SLC3A2: variants seen among roughly 807,000 people sequenced by gnomAD.
SLC3A2 encodes the protein solute carrier family 3 member 2, also known as amino acid transporter heavy chain SLC3A2.
SLC3A2 carries 32 observed loss-of-function variants against 48.5 expected under a neutral mutation model. The ratio of observed to expected loss-of-function variants is 0.66; its 90% CI spans 0.50 to 0.89. The LOEUF is 0.89. Among genes scored for constraint, SLC3A2 ranks in the 40% least tolerant of loss-of-function variants. The probability of loss-of-function intolerance (pLI) is 0.00; values close to 1 mark genes in which losing one functional copy is unlikely to be tolerated. For missense variants in SLC3A2, 587 were observed against 680.7 expected, an observed-to-expected ratio of 0.86 and a Z score of 1.53; for synonymous variants, 277 against 288.8, an observed-to-expected ratio of 0.96 and a Z score of 0.41.
upstream of SLC3A2, among the ~76,000 whole-genome samples, chr11:62,879,132 T>G (rs1393805806): frequency 6.6e-6 from 1 of 150,636 alleles, no homozygotes; most frequent in Non-Finnish European, 1.5e-5. Flanking sequence ...CAGTGGCCCA[T>G]TCTTGGCTCA....
At chr11:62,877,350 T>C (rs1042946727), upstream of SLC3A2, among the ~76,000 whole-genome samples, 28 of 152,220 alleles carry the variant, frequency 1.8e-4, no homozygotes, top group African/African-American at 6.8e-4. Flanking sequence ...TGATCCACCG[T>C]GCCTAGCCTG....
chr11:62,860,665 A>G (rs2085389836), intron 1 of SLC3A2, among the ~76,000 whole-genome samples: 1 of 151,974 alleles, frequency 6.6e-6, no homozygotes, highest in Non-Finnish European at 1.5e-5. Flanking sequence ...CAGACCCTTT[A>G]TGGGTGTCTG....
chr11:62,887,482 C>T (rs2085729479), intron 7 of SLC3A2, among the ~76,000 whole-genome samples: 1 of 152,082 alleles, frequency 6.6e-6, no homozygotes, highest in African/African-American at 2.4e-5. Context: ...GTGGGTGGAT[C>T]ACCTGAGGTC....
intron 3 of SLC3A2, chr11:62,883,242 G>A (rs991542394): frequency 8.4e-6 from 4 of 473,456 alleles, no homozygotes; most frequent in Non-Finnish European, 1.5e-5. Context: ...GTGCCAGGAA[G>A]GGACCTTCTC....
chr11:62,888,041 T>C, intron 7 of SLC3A2, 94 bp from the exon 8 acceptor site: 1 of 1,105,380 alleles, frequency 9.0e-7, no homozygotes, highest in South Asian at 1.3e-5. Context: ...AGCAATCCTC[T>C]TGGCCTTGAC....
At chr11:62,871,468 G>C (rs1780607258) in intron 1 of SLC3A2, 1 of 389,206 alleles carries the variant, frequency 2.6e-6, no homozygotes, top group African/African-American at 2.2e-5. Context: ...TCGAACTCCT[G>C]ATCTCAGGTT....
intron 1 of SLC3A2, chr11:62,870,903 A>C (rs2085509131): frequency 5.6e-6 from 1 of 177,324 alleles, no homozygotes; most frequent in Non-Finnish European, 1.1e-5. Flanking sequence ...TTTGAGATGG[A>C]GTCTTGCTCT....
At chr11:62,883,989 G>A (rs564418350) in intron 3 of SLC3A2, 6 of 456,754 alleles carry the variant, frequency 1.3e-5, no homozygotes, top group South Asian at 3.1e-5. Context: ...CCTTCCCCAG[G>A]CCTCAGGAAA....
intron 1 of SLC3A2, among the ~76,000 whole-genome samples, chr11:62,867,207 A>G (rs1217774443): frequency 1.3e-5 from 2 of 149,818 alleles, no homozygotes; most frequent in Non-Finnish European, 3.0e-5. Flanking sequence ...GGTCAGGCTG[A>G]TCTTGAACTC....
intron 1 of SLC3A2, among the ~76,000 whole-genome samples, chr11:62,867,752 A>ATTAT: frequency 6.6e-6 from 1 of 151,920 alleles, no homozygotes; most frequent in South Asian, 2.1e-4. Flanking sequence ...AAGTGCTGGG[A>ATTAT]TTATAGGCAT....
At chr11:62,877,722 G>T (rs1208972677), upstream of SLC3A2, among the ~76,000 whole-genome samples, 2 of 152,272 alleles carry the variant, frequency 1.3e-5, no homozygotes, top group Non-Finnish European at 1.5e-5. Flanking sequence ...AAGATGCAGA[G>T]CTCTGCCTGA....
chr11:62,868,528 G>A (rs1166178205), intron 1 of SLC3A2, among the ~76,000 whole-genome samples: 4 of 151,768 alleles, frequency 2.6e-5, no homozygotes, highest in South Asian at 2.1e-4. Flanking sequence ...ACCACGCCTG[G>A]CTAATTTTTT....
chr11:62,882,982 G>T lies in SLC3A2; in HGVS notation c.673G>T (p.Val225Leu). The T allele has an allele frequency of 6.2e-7, 1 of 1,614,208 alleles. No individual in the cohort carries two copies. The highest frequency in any genetic ancestry group is 8.5e-7 in the Non-Finnish European group (1 of 1,180,024). ...NSWFSTQVDT[V>L]ATKVKDALEF... is the part of the protein sequence containing the mutation. ...GTGGTTCTCCACTCAGGTTGACACT[G>T]TGGCCACCAAGGTGAAGGTGAGTGT... The change falls in exon 3 of 9, where the codon GTG becomes TTG. Residue 225 changes from valine to leucine, a missense_variant. By Grantham distance (32) the Val-to-Leu change is conservative. Transcript: ENST00000338663.
At chr11:62,873,209 C>G (rs2085535389) in intron 1 of SLC3A2, among the ~76,000 whole-genome samples, 1 of 151,800 alleles carries the variant, frequency 6.6e-6, no homozygotes. Flanking sequence ...TTTTTTGTGG[C>G]CGGGCCTGGT....
chr11:62,875,045 G>T lies in SLC3A2; in HGVS notation c.113-5974G>T, dbSNP rs551885151. 8.5e-4 allele frequency among the ~76,000 whole-genome samples: 130 copies of T among 152,294 alleles called. 1 individual carries two copies. The highest frequency in any genetic ancestry group is 1.5e-3 in the Non-Finnish European group (102 of 68,036). On this transcript the variant is annotated intron_variant, in intron 1 of 9. Transcript: ENST00000377889. ...TCCAAAATGCTGGGATTACAGGCAT[G>T]AGCCACCACACTGGCCTCATTTTTC...
At chr11:62,859,732 C>G (rs1413871852) in intron 1 of SLC3A2, among the ~76,000 whole-genome samples, 1 of 152,040 alleles carries the variant, frequency 6.6e-6, no homozygotes, top group Non-Finnish European at 1.5e-5. Context: ...CCAAAGGTGG[C>G]CTTTGATTGT....
In SLC3A2 at chr11:62,881,247, C is replaced by A; in HGVS notation, c.224C>A (p.Pro75His). The A allele has an allele frequency of 6.3e-7, 1 of 1,584,666 alleles. No individual in the cohort carries two copies. Among genetic ancestry groups the A allele is most frequent in the South Asian group, 1.1e-5 (1 of 87,180 alleles). Residue 75 changes from proline (P) to histidine (H), a missense_variant, in exon 1 of 9, where the codon CCC becomes CAC. Physicochemically the swap from Pro to His is moderately conservative, Grantham distance 77. Transcript: ENST00000338663. The surrounding 1 kb of genome is among the most constrained non-coding windows in gnomAD (Gnocchi z 4.0). ...GAGCTGCTGAAGGTGGCAGGCAGCC[C>A]CGGCTGGGTACGCACCCGCTGGGCA... ...KEELLKVAGSPGWVRTRWALL... is the reference protein window; with the variant it reads ...KEELLKVAGSHGWVRTRWALL...
rs76688902 is a variant in SLC3A2, at chr11:62,888,406, C to A, written c.1303C>A (p.Leu435Ile). 1.2e-6 allele frequency: 2 copies of A among 1,614,208 alleles called. No homozygotes were observed. The highest frequency in any genetic ancestry group is 2.2e-5 in the South Asian group (2 of 91,088). Reference sequence around the variant, plus strand: ...TGACCAGCGGAGTAAGGAGCGCTCCCTACTGCATGGGGACTTCCACGCGTT... The same window carrying A: ...TGACCAGCGGAGTAAGGAGCGCTCCATACTGCATGGGGACTTCCACGCGTT... ...LSDQRSKERS[L>I]LHGDFHAFSA... Residue 435 changes from leucine to isoleucine, a missense_variant, in exon 9 of 9, where the codon CTA (leucine) becomes ATA (isoleucine). Physicochemically the swap from Leu to Ile is conservative, Grantham distance 5. This residue lies in a region of SLC3A2 where 169 missense variants were observed against 204.4 expected (regional missense o/e 0.83). Coordinates refer to ENST00000338663, the MANE Select transcript of SLC3A2 (RefSeq NM_001013251.3).
chr11:62,873,879 T>C (rs10792362), intron 1 of SLC3A2, among the ~76,000 whole-genome samples: 59,850 of 149,436 alleles, frequency 0.4, 14,291 homozygotes, highest in Non-Finnish European at 0.56. Flanking sequence ...CATAACTCAC[T>C]GTAGCTTCAA....
Sources: gnomAD v4.1 joint callset for allele counts (sites outside exome capture counted in the v4.1 genomes callset) on GRCh38, gnomAD v4.1.1 for gene constraint, gnomAD v4.1.1 regional missense constraint, Gnocchi (gnomAD v3.1) non-coding constraint, MANE v1.5 for transcripts, NCBI Gene and HGNC (gene_info 2026-07-23, HGNC 2026-07-21) for gene names.